Variants in AQP4 observed in about 807,000 individuals in gnomAD.
AQP4 encodes the protein aquaporin 4.
A neutral mutation model predicts 27.8 loss-of-function variants in AQP4; 18 were observed. The observed-to-expected ratio is 0.65, with a 90% CI of 0.45 to 0.96. The LOEUF (loss-of-function observed/expected upper bound fraction) is 0.96. Ranked by LOEUF, AQP4 falls within the 40% of genes least tolerant of loss-of-function variation. The probability of loss-of-function intolerance (pLI) is 0.00; values close to 1 mark genes in which losing one functional copy is unlikely to be tolerated. For missense variants in AQP4, 412 were observed against 408.2 expected, an observed-to-expected ratio of 1.01 and a Z score of -0.08; for synonymous variants, 141 against 142.9, an observed-to-expected ratio of 0.99 and a Z score of 0.10.
At chr18:26,864,717 G>A (rs1352387978) in intron 1 of AQP4, among the ~76,000 whole-genome samples, 2 of 151,446 alleles carry the variant, frequency 1.3e-5, no homozygotes, top group Non-Finnish European at 3.0e-5. Flanking sequence ...AGGTGCTGTC[G>A]TTTGTGGTCA....
intron 4 of AQP4, 182 bp downstream of exon 4, chr18:26,860,574 GATGTTTTACATCTCTT>G: frequency 1.8e-6 from 1 of 571,338 alleles, no homozygotes; most frequent in South Asian, 1.9e-5. Context: ...TTCAGTTAGA[GATGTTTTACATCTCTT>G]ATCTTTTTAC....
chr18:26,862,674 C>T (rs1169793940), intron 1 of AQP4, 78 bp from the exon 2 acceptor site: 4 of 1,598,670 alleles, frequency 2.5e-6, no homozygotes, highest in East Asian at 2.2e-5. Context: ...CAAGGCCTGC[C>T]ATCTTCGGGT....
upstream of AQP4, chr18:26,865,729 G>T: frequency 5.6e-6 from 9 of 1,613,282 alleles, no homozygotes; most frequent in Non-Finnish European, 7.6e-6. Flanking sequence ...TGCCTGCCCC[G>T]CAGCTCCCTG....
At position 26,862,372 on chromosome 18, in the gene AQP4, T is replaced by G. The variant is rs1461680936; in HGVS notation, c.257A>C (p.Gln86Pro). The stretch of plus-strand genomic sequence containing the variant: ...GCCACCGCTGATATGGCCAAAGCAC[T>G]GCACCATGGTTGCAATGCTGAGTCC... Reference protein sequence around the residue: ...CFGLSIATMVQCFGHISGGHI... With the variant: ...CFGLSIATMVPCFGHISGGHI... The change falls in exon 2 of 5, where the codon CAG (glutamine) becomes CCG (proline). Residue 86 changes from glutamine to proline, a missense_variant. Transcript: ENST00000383168. 1 of 1,614,200 alleles carries G rather than the reference T, an allele frequency of 6.2e-7. No homozygotes were observed. The highest frequency in any genetic ancestry group is 1.1e-5 in the South Asian group (1 of 91,080).
rs1285532690 is a variant in AQP4, at chr18:26,861,315, C to G, written c.448-20G>C. 6.2e-7 allele frequency: 1 copy of G among 1,610,078 alleles called. No individual in the cohort carries two copies. The highest frequency in any genetic ancestry group is 1.1e-5 in the South Asian group (1 of 90,968). ...ATGAACCTAGAGAAAGAAAAATATT[C>G]CATCAGAATTGAAGCAAGAGTATTT... On this transcript the variant is annotated intron_variant, in intron 2 of 4. Coordinates refer to ENST00000383168, the MANE Select transcript of AQP4 (RefSeq NM_001650.7).
rs763105992 is a variant in AQP4, at chr18:26,856,294, C to T, written c.889G>A (p.Gly297Arg). 2 of 1,614,168 alleles carry T rather than the reference C, an allele frequency of 1.2e-6. No homozygotes were observed. Among genetic ancestry groups the T allele is most frequent in the East Asian group, 4.5e-5 (2 of 44,884 alleles). ...TCAACGTCAATCACATGCACCACTC[C>T]AGGTTTTAGAATCAGGTCATCCGTC... ...VETDDLILKPGVVHVIDVDRG... is the reference protein window; with the variant it reads ...VETDDLILKPRVVHVIDVDRG... Residue 297 changes from glycine to arginine, a missense_variant, in exon 5 of 5, where the codon GGA becomes AGA. By Grantham distance (125) the Gly-to-Arg change is moderately radical. Transcript: ENST00000383168.
rs1426636178 is a variant in AQP4, at chr18:26,853,095, G to C, written c.*3116C>G. ...AATCAGATCTCTGATAAATCATATA[G>C]CTCAATTTCATCACATATGTTTTCC... On this transcript the variant is annotated 3_prime_UTR_variant, in exon 5 of 5. Coordinates refer to ENST00000383168, the MANE Select transcript of AQP4 (RefSeq NM_001650.7). 5.1e-6 allele frequency: 2 copies of C among 392,022 alleles called. No individual in the cohort carries two copies. The highest frequency in any genetic ancestry group is 3.6e-5 in the East Asian group (1 of 27,748). The allele number at this position is 392,022 out of a possible 1,614,324, so 24.3% of individuals were successfully genotyped here. A position where few individuals can be genotyped will look rare whatever the true frequency, so the allele number is the denominator to read the frequency against.
rs1251484839 is a variant in AQP4 at position 26,863,824 on chromosome 18, G to C, written c.33-1228C>G. On this transcript the variant is annotated intron_variant, in intron 1 of 4. Transcript: ENST00000383168. ...ATAGGACAGTGTGTCTCACCTTGTG[G>C]AGCTTCTCTGGGGAGGGTGGTGGGC... 2.6e-5 allele frequency among the ~76,000 whole-genome samples: 4 copies of C among 152,180 alleles called. No individual in the cohort carries two copies. The East Asian group carries it at 7.7e-4, about 29-fold the overall frequency.
chr18:26,852,898 T>C lies in AQP4; in HGVS notation c.*3313A>G. 2.5e-6 allele frequency: 1 copy of C among 398,558 alleles called. No individual in the cohort carries two copies. The highest frequency in any genetic ancestry group is 3.6e-5 in the East Asian group (1 of 28,064). The allele number at this position is 398,558 out of a possible 1,614,324, so 24.7% of individuals were successfully genotyped here. A position where few individuals can be genotyped will look rare whatever the true frequency, so the allele number is the denominator to read the frequency against. ...CCACAAAGGCAAATTCTCTGTGAAT[T>C]GTTCGTAACGTGAGGTTGGTGTCAA... On this transcript the variant is annotated 3_prime_UTR_variant, in exon 5 of 5. Coordinates refer to ENST00000383168, the MANE Select transcript of AQP4 (RefSeq NM_001650.7).
intron 4 of AQP4, among the ~76,000 whole-genome samples, chr18:26,859,553 C>T (rs1047646172): frequency 1.3e-5 from 2 of 152,102 alleles, no homozygotes; most frequent in African/African-American, 4.8e-5. Context: ...ATACTACTCA[C>T]TAAAAATTTC....
intron 1 of AQP4, chr18:26,863,001 G>GGT (rs1555661814): frequency 5.8e-6 from 1 of 172,740 alleles, no homozygotes; most frequent in East Asian, 1.6e-4. Flanking sequence ...GTGCGTGGGG[G>GGT]GGGGGGGTCG....
At chr18:26,857,419 C>T (rs986274358) in intron 4 of AQP4, among the ~76,000 whole-genome samples, 2 of 151,978 alleles carry the variant, frequency 1.3e-5, no homozygotes, top group African/African-American at 4.8e-5. Context: ...CTCTGCCTCC[C>T]GGGTTCACGC....
intron 1 of AQP4, chr18:26,862,848 G>C (rs2054980154): frequency 1.1e-5 from 6 of 563,008 alleles, no homozygotes; most frequent in Admixed American, 9.1e-5. Context: ...CCCTAGAAAG[G>C]AAAAATGTCT....
chr18:26,858,576 T>A (rs11661256), intron 4 of AQP4, among the ~76,000 whole-genome samples: 13,293 of 152,266 alleles, frequency 0.087, 810 homozygotes, highest in Non-Finnish European at 0.12. Context: ...TGAGCCTTTA[T>A]CTTCTCTATG....
rs1170264140 is a variant in AQP4 at position 26,855,145 on chromosome 18, A to G, written c.*1066T>C. On this transcript the variant is annotated 3_prime_UTR_variant, in exon 5 of 5. Transcript: ENST00000383168. Reference sequence around the variant, plus strand: ...TGTCACGAGAAGTGAGAGAGCAGAGATTGGGACAGGGCCTTTACACCTTCT... The same window carrying G: ...TGTCACGAGAAGTGAGAGAGCAGAGGTTGGGACAGGGCCTTTACACCTTCT... The G allele has an allele frequency of 6.6e-6, 1 of 152,240 alleles. No homozygotes were observed. Among genetic ancestry groups the G allele is most frequent in the Non-Finnish European group, 1.5e-5 (1 of 68,046 alleles). 9.4% of individuals were successfully genotyped at this position (152,240 alleles called of 1,614,324 possible).
At position 26,855,765 on chromosome 18, in the gene AQP4, T is replaced by A; in HGVS notation, c.*446A>T. 1 of 222,998 alleles carries A rather than the reference T, an allele frequency of 4.5e-6. No individual in the cohort carries two copies. Among genetic ancestry groups the A allele is most frequent in the South Asian group, 6.8e-5 (1 of 14,778 alleles). The allele number at this position is 222,998 out of a possible 1,614,324, so 13.8% of individuals were successfully genotyped here. On this transcript the variant is annotated 3_prime_UTR_variant, in exon 5 of 5. Transcript: ENST00000383168. ...CTTGTTATATTTTCTCTCTTGAATG[T>A]GCATGACTGTGACATACTGTATTTT...
At chr18:26,862,706 G>A in intron 1 of AQP4, 110 bp from the exon 2 acceptor site, 1 of 1,422,092 alleles carries the variant, frequency 7.0e-7, no homozygotes, top group South Asian at 1.2e-5. Flanking sequence ...GGGCTGCCAG[G>A]CGTGATTTGC....
intron 1 of AQP4, among the ~76,000 whole-genome samples, chr18:26,864,755 A>G (rs2055026013): frequency 6.6e-6 from 1 of 152,068 alleles, no homozygotes; most frequent in South Asian, 2.1e-4. Context: ...GGAGGACAAA[A>G]CAGTAGGCTA....
rs764332998 is a variant in AQP4, at chr18:26,861,304, A to G, written c.448-9T>C. ...GTAAGATTTCCATGAACCTAGAGAAAGAAAAATATTCCATCAGAATTGAAG... is the reference window on the plus strand; with the variant it reads ...GTAAGATTTCCATGAACCTAGAGAAGGAAAAATATTCCATCAGAATTGAAG... On this transcript the variant is annotated splice_polypyrimidine_tract_variant and intron_variant, in intron 2 of 4. Transcript: ENST00000383168. 15 of 1,612,684 alleles carry G rather than the reference A, an allele frequency of 9.3e-6. No individual in the cohort carries two copies. Among genetic ancestry groups the G allele is most frequent in the Non-Finnish European group, 1.3e-5 (15 of 1,178,810 alleles).
Sources: gnomAD v4.1 joint callset for allele counts (sites outside exome capture counted in the v4.1 genomes callset) on GRCh38, gnomAD v4.1.1 for gene constraint, MANE v1.5 for transcripts, NCBI Gene and HGNC (gene_info 2026-07-23, HGNC 2026-07-21) for gene names.